The following FGF14 variants were observed in gnomAD, a reference collection of about 807,000 sequenced individuals.
The protein encoded by FGF14 is fibroblast growth factor 14, also known as fibroblast growth factor homologous factor 4.
Under a neutral mutation model 25.5 loss-of-function variants are expected in FGF14, and 5 were observed. The observed-to-expected ratio is 0.20, with a 90% CI of 0.10 to 0.41. FGF14 has a LOEUF of 0.41. Ranked by LOEUF, FGF14 falls within the 10% of genes least tolerant of loss-of-function variation. The pLI, the probability that FGF14 is intolerant of heterozygous loss-of-function variation, is 1.00. For synonymous variants in FGF14, 138 were observed against 118.3 expected (o/e 1.17, Z -1.08); for missense variants, 222 against 320.1 (o/e 0.69, Z 2.34).
intron 1 of FGF14, among the ~76,000 whole-genome samples, chr13:102,315,162 T>A (rs779360182): frequency 1.3e-5 from 2 of 151,964 alleles, no homozygotes; most frequent in African/African-American, 4.8e-5. Context: ...CACACACACA[T>A]GCCTTCCCTA....
intron 1 of FGF14, among the ~76,000 whole-genome samples, chr13:101,885,717 AC>A (rs1163787103): frequency 6.6e-6 from 1 of 151,064 alleles, no homozygotes; most frequent in Non-Finnish European, 1.5e-5. Flanking sequence ...AAAAAAAAAA[AC>A]TGCAGGGTCC....
intron 1 of FGF14, among the ~76,000 whole-genome samples, chr13:102,253,264 G>A (rs1185428052): frequency 3.3e-5 from 5 of 152,120 alleles, no homozygotes; most frequent in Non-Finnish European, 7.4e-5. Context: ...CACAATGGTT[G>A]AACTAGTTTA....
rs1286372094 is a variant in FGF14, at chr13:102,219,384, C to T, written c.208+182087G>A. On this transcript the variant is annotated intron_variant, in intron 1 of 4. Transcript: ENST00000376131. Reference sequence around the variant, plus strand: ...GGTTACCCCAGAGACAGAAGAAGGACTTCTTCACCCAGGACTTGACATCAA... The same window carrying T: ...GGTTACCCCAGAGACAGAAGAAGGATTTCTTCACCCAGGACTTGACATCAA... Among the ~76,000 whole-genome samples the T allele has an allele frequency of 2.6e-5, 4 of 152,148 alleles. No homozygotes were observed. In the East Asian group the frequency reaches 7.7e-4, roughly 29 times the overall value.
intron 1 of FGF14, among the ~76,000 whole-genome samples, chr13:102,196,343 G>C (rs1410505514): frequency 2.6e-5 from 4 of 152,156 alleles, no homozygotes; most frequent in African/African-American, 7.2e-5. Context: ...GCTGACAGAA[G>C]TAGGCAGGGG....
At chr13:102,076,982 T>C (rs1443140280) in intron 1 of FGF14, among the ~76,000 whole-genome samples, 1 of 152,100 alleles carries the variant, frequency 6.6e-6, no homozygotes, top group African/African-American at 2.4e-5. Context: ...TAAAACCACA[T>C]ATTTATAGTC....
chr13:101,762,422 T>C (rs538708555), intron 3 of FGF14, among the ~76,000 whole-genome samples: 6 of 152,276 alleles, frequency 3.9e-5, no homozygotes, highest in Non-Finnish European at 7.4e-5. Context: ...AAAAATACCT[T>C]TGTCAGGGGC....
intron 1 of FGF14, among the ~76,000 whole-genome samples, chr13:101,910,101 G>C (rs2032745157): frequency 6.6e-6 from 1 of 151,918 alleles, no homozygotes; most frequent in South Asian, 2.1e-4. Context: ...TGTGGGGTGG[G>C]GGTAGGGGGG....
At chr13:101,982,293 G>C (rs536011787) in intron 1 of FGF14, among the ~76,000 whole-genome samples, 2 of 152,248 alleles carry the variant, frequency 1.3e-5, no homozygotes, top group African/African-American at 4.8e-5. Flanking sequence ...TATGCAGCAG[G>C]TTTAGATCTA....
chr13:102,200,891 G>A (rs189429686), intron 1 of FGF14, among the ~76,000 whole-genome samples: 240 of 151,734 alleles, frequency 1.6e-3, no homozygotes, highest in South Asian at 0.011. Context: ...TCATGAGGTC[G>A]GGAGATCGAG....
intron 3 of FGF14, among the ~76,000 whole-genome samples, chr13:101,779,259 A>G (rs1479660525): frequency 1.3e-5 from 2 of 152,224 alleles, no homozygotes; most frequent in Non-Finnish European, 2.9e-5. Flanking sequence ...GTGATATTAA[A>G]GAATCATTTG....
chr13:102,005,614 A>C (rs1286805896), intron 1 of FGF14, among the ~76,000 whole-genome samples: 1 of 152,236 alleles, frequency 6.6e-6, no homozygotes, highest in Non-Finnish European at 1.5e-5. Flanking sequence ...GTCATCCGAA[A>C]AAGGACATTA....
chr13:101,886,625 A>G (rs2046001441), intron 1 of FGF14, among the ~76,000 whole-genome samples: 1 of 152,202 alleles, frequency 6.6e-6, no homozygotes, highest in African/African-American at 2.4e-5. Context: ...TTCTCAGGAC[A>G]TTGGTCTGAG....
chr13:101,771,090 C>G (rs952743097), intron 3 of FGF14, among the ~76,000 whole-genome samples: 1 of 151,900 alleles, frequency 6.6e-6, no homozygotes, highest in African/African-American at 2.4e-5. Flanking sequence ...GTAGAGGATG[C>G]TTAATGCTTA....
At chr13:101,742,189 T>G (rs1049518520) in intron 3 of FGF14, among the ~76,000 whole-genome samples, 2 of 152,180 alleles carry the variant, frequency 1.3e-5, no homozygotes, top group Non-Finnish European at 2.9e-5. Flanking sequence ...GCTTCATCCA[T>G]GTAATTAGGA....
At chr13:101,841,902 C>A (rs1401323347) in intron 3 of FGF14, among the ~76,000 whole-genome samples, 1 of 151,936 alleles carries the variant, frequency 6.6e-6, no homozygotes, top group Non-Finnish European at 1.5e-5. Context: ...AGGAGCTCAC[C>A]TTTTCTGCAC....
intron 1 of FGF14, among the ~76,000 whole-genome samples, chr13:102,181,939 G>A (rs1003858531): frequency 1.3e-5 from 2 of 152,142 alleles, no homozygotes; most frequent in African/African-American, 2.4e-5. Flanking sequence ...CACAGGGAGC[G>A]CGGCCCTGCT....
chr13:101,959,767 A>G (rs1005375151), intron 1 of FGF14, among the ~76,000 whole-genome samples: 3 of 152,180 alleles, frequency 2.0e-5, no homozygotes, highest in Non-Finnish European at 4.4e-5. Flanking sequence ...AGTGATTTGT[A>G]TTCTTCTTTA....
intron 1 of FGF14, among the ~76,000 whole-genome samples, chr13:102,254,501 T>C (rs556413893): frequency 6.6e-6 from 1 of 152,278 alleles, no homozygotes; most frequent in African/African-American, 2.4e-5. Flanking sequence ...AGCAATTTTA[T>C]ACTTTATTAA....
intron 1 of FGF14, among the ~76,000 whole-genome samples, chr13:102,094,216 G>A (rs2044292417): frequency 6.6e-6 from 1 of 151,780 alleles, no homozygotes; most frequent in Non-Finnish European, 1.5e-5. Flanking sequence ...CTATAAGAAA[G>A]GCATATTTAT....
Sources: allele counts gnomAD v4.1 joint callset (sites outside exome capture counted in the v4.1 genomes callset), GRCh38; gene constraint gnomAD v4.1.1; transcripts MANE v1.5; gene names NCBI Gene and HGNC (gene_info 2026-07-23, HGNC 2026-07-21).